Variants in WWOX observed in about 807,000 individuals in gnomAD.
WWOX encodes the protein WW domain-containing oxidoreductase.
WWOX carries 69 observed loss-of-function variants against 46.2 expected under a neutral mutation model. That is an observed-to-expected ratio of 1.49 (90% confidence interval 1.23 to 1.82). WWOX has a LOEUF of 1.82. Among genes scored for constraint, WWOX ranks in the 40% most tolerant of loss-of-function variants. The pLI is 0.00. For synonymous variants in WWOX, 359 were observed against 202.6 expected (o/e 1.77, Z -6.56); for missense variants, 919 against 542.6 (o/e 1.69, Z -6.89).
At position 78,946,923 on chromosome 16, in the gene WWOX, C is replaced by G. The variant is rs146708983; in HGVS notation, c.1057-264685C>G. On this transcript the variant is annotated intron_variant, in intron 8 of 8. Transcript: ENST00000566780. ...CAGAGTCAGTAGGATAGTTTCCCTT[C>G]CTGGAAGATTGAGATGAAATAAAGC... Among the ~76,000 whole-genome samples the G allele has an allele frequency of 8.5e-3, 1,301 of 152,206 alleles. 21 individuals are homozygous for G. The highest frequency in any genetic ancestry group is 0.03 in the African/African-American group (1,248 of 41,518).
At chr16:79,125,289 C>T (rs1313557805) in intron 8 of WWOX, among the ~76,000 whole-genome samples, 1 of 152,142 alleles carries the variant, frequency 6.6e-6, no homozygotes, top group African/African-American at 2.4e-5. Flanking sequence ...ATCTTCCAAA[C>T]CTCCGTAATT....
At chr16:79,040,618 A>G (rs956606665) in intron 8 of WWOX, among the ~76,000 whole-genome samples, 2 of 152,018 alleles carry the variant, frequency 1.3e-5, no homozygotes, top group African/African-American at 4.8e-5. Flanking sequence ...TTTTCTCAGG[A>G]AAATCATGAC....
chr16:78,931,002 A>T (rs1278269065), intron 8 of WWOX, among the ~76,000 whole-genome samples: 1 of 152,222 alleles, frequency 6.6e-6, no homozygotes, highest in African/African-American at 2.4e-5. Context: ...TAAGATGGGG[A>T]TAGCAATATC....
Position 78,099,708 on chromosome 16 carries a change from C to G in WWOX, c.-71C>G, listed in dbSNP as rs1010304977. On this transcript the variant is annotated 5_prime_UTR_variant, in exon 1 of 9. Coordinates refer to ENST00000566780, the MANE Select transcript of WWOX (RefSeq NM_016373.4). Reference sequence around the variant, plus strand: ...CGACGCGCGCGGGTCTCGTTTGGAGCGGGAGTGAGTTCCTGAGCGAGTGGA... The same window carrying G: ...CGACGCGCGCGGGTCTCGTTTGGAGGGGGAGTGAGTTCCTGAGCGAGTGGA... 4.7e-6 allele frequency: 7 copies of G among 1,478,540 alleles called. No individual in the cohort carries two copies. The highest frequency in any genetic ancestry group is 2.4e-4 in the Middle Eastern group (1 of 4,126). 91.6% of individuals were successfully genotyped at this position (1,478,540 alleles called of 1,614,324 possible).
chr16:78,892,954 G>A (rs1004987812), intron 8 of WWOX, among the ~76,000 whole-genome samples: 1 of 152,176 alleles, frequency 6.6e-6, no homozygotes, highest in Admixed American at 6.5e-5. Context: ...AGCACTCACA[G>A]GTAGCTTAAC....
chr16:78,541,391 G>A (rs1186381883), intron 8 of WWOX, among the ~76,000 whole-genome samples: 1 of 145,372 alleles, frequency 6.9e-6, no homozygotes, highest in Non-Finnish European at 1.5e-5. Context: ...GGAGAATGGC[G>A]TGAACCCGGG....
chr16:78,788,572 C>T (rs1290831505), intron 8 of WWOX, among the ~76,000 whole-genome samples: 3 of 152,176 alleles, frequency 2.0e-5, no homozygotes, highest in African/African-American at 7.2e-5. Flanking sequence ...GCGTGGCTGC[C>T]TAGGAAGGGC....
In WWOX at chr16:79,201,362, T is replaced by C. The variant is rs901467412; in HGVS notation, c.1057-10246T>C. Among the ~76,000 whole-genome samples, 5 of 134,992 alleles carry C rather than the reference T, an allele frequency of 3.7e-5. No homozygotes were observed. In the East Asian group the frequency reaches 7.1e-4, roughly 19 times the overall value. The allele number at this position is 134,992 out of a possible 152,430, so 88.6% of individuals were successfully genotyped here. Reference sequence around the variant, plus strand: ...TCTTTTCTTTTTTTTTTTTTTTTTTTAAATGGGAAACTTACAGGGAATAAG... The same window carrying C: ...TCTTTTCTTTTTTTTTTTTTTTTTTCAAATGGGAAACTTACAGGGAATAAG... On this transcript the variant is annotated intron_variant, in intron 8 of 8. Coordinates refer to ENST00000566780, the MANE Select transcript of WWOX (RefSeq NM_016373.4).
intron 8 of WWOX, among the ~76,000 whole-genome samples, chr16:78,601,239 C>G (rs1384652373): frequency 6.6e-6 from 1 of 152,176 alleles, no homozygotes; most frequent in East Asian, 1.9e-4. Flanking sequence ...ATTTTACTCA[C>G]CCAGAAGGAA....
intron 8 of WWOX, among the ~76,000 whole-genome samples, chr16:78,685,126 G>T (rs13380485): frequency 1.3e-5 from 2 of 152,072 alleles, no homozygotes; most frequent in Non-Finnish European, 2.9e-5. Context: ...TCTCTGCAGC[G>T]TGATGTCTAG....
At chr16:78,186,968 C>T (rs2035729995) in intron 5 of WWOX, among the ~76,000 whole-genome samples, 1 of 152,086 alleles carries the variant, frequency 6.6e-6, no homozygotes, top group African/African-American at 2.4e-5. Flanking sequence ...TATCCGAGTT[C>T]TGCTAGTGTT....
chr16:78,870,964 A>T (rs2044115188), intron 8 of WWOX, among the ~76,000 whole-genome samples: 2 of 152,174 alleles, frequency 1.3e-5, no homozygotes, highest in Non-Finnish European at 1.5e-5. Context: ...CACAACCACC[A>T]GAGTCTTAAG....
chr16:78,701,604 C>T (rs1239613797), intron 8 of WWOX, among the ~76,000 whole-genome samples: 1 of 152,058 alleles, frequency 6.6e-6, no homozygotes, highest in African/African-American at 2.4e-5. Context: ...TCTCCCTCCA[C>T]CCACCTGCCT....
intron 8 of WWOX, among the ~76,000 whole-genome samples, chr16:78,788,603 C>G (rs1164254695): frequency 6.6e-6 from 1 of 152,192 alleles, no homozygotes; most frequent in Non-Finnish European, 1.5e-5. Context: ...CATGCCCCTA[C>G]CCCATACCTC....
intron 8 of WWOX, among the ~76,000 whole-genome samples, chr16:78,973,525 C>T (rs781595975): frequency 6.6e-6 from 1 of 152,158 alleles, no homozygotes; most frequent in Admixed American, 6.5e-5. Context: ...CGAAGCCTCC[C>T]TTTATTTATT....
At chr16:78,366,029 G>T (rs2081528690) in intron 5 of WWOX, among the ~76,000 whole-genome samples, 1 of 152,160 alleles carries the variant, frequency 6.6e-6, no homozygotes, top group Non-Finnish European at 1.5e-5. Flanking sequence ...AGTATCACTG[G>T]TTAATCAGGG....
At chr16:78,724,783 T>A (rs1259345458) in intron 8 of WWOX, among the ~76,000 whole-genome samples, 1 of 152,124 alleles carries the variant, frequency 6.6e-6, no homozygotes, top group Non-Finnish European at 1.5e-5. Context: ...AGCAGTGATT[T>A]GATGATTTGA....
At position 78,424,293 on chromosome 16, in the gene WWOX, G is replaced by A. The variant is rs1381496489; in HGVS notation, c.606-577G>A. ...CCACCACACCTGGCTAATTTTTTTT[G>A]TGTTTTGACAGAGATGGGGTTTCAC... is the stretch of plus-strand genomic sequence containing the variant. On this transcript the variant is annotated intron_variant, in intron 6 of 8. Transcript: ENST00000566780. Among the ~76,000 whole-genome samples the A allele has an allele frequency of 2.0e-5, 3 of 151,250 alleles. No homozygotes were observed. In the East Asian group the frequency reaches 5.8e-4, roughly 29 times the overall value.
chr16:78,722,711 T>G (rs1286595420), intron 8 of WWOX, among the ~76,000 whole-genome samples: 2 of 150,514 alleles, frequency 1.3e-5, no homozygotes, highest in Non-Finnish European at 3.0e-5. Flanking sequence ...TTTTTTTTTT[T>G]TTTTTTTTTT....
Sources: gnomAD v4.1 joint callset for allele counts (sites outside exome capture counted in the v4.1 genomes callset) on GRCh38, gnomAD v4.1.1 for gene constraint, MANE v1.5 for transcripts, NCBI Gene and HGNC (gene_info 2026-07-23, HGNC 2026-07-21) for gene names.